The following ZNF892 variants were observed in gnomAD, a reference collection of about 807,000 sequenced individuals.
ZNF892 encodes the protein zinc finger protein 892, also known as zinc finger protein 570-like.
the ZNF892 span, among the ~76,000 whole-genome samples, chr2:95,215,840 C>T: frequency 1.1e-4 from 16 of 152,284 alleles, no homozygotes; most frequent in African/African-American, 3.4e-4. Flanking sequence ...AACACCCTAA[C>T]GTGTATGTAA....
At chr2:95,261,830 G>C in the ZNF892 span, among the ~76,000 whole-genome samples, 1 of 152,184 alleles carries the variant, frequency 6.6e-6, no homozygotes, top group African/African-American at 2.4e-5. Flanking sequence ...AGAAGTCCCG[G>C]GAGTTCCTCA....
At chr2:95,207,318 C>A in the ZNF892 span, among the ~76,000 whole-genome samples, 1 of 152,222 alleles carries the variant, frequency 6.6e-6, no homozygotes, top group Admixed American at 6.5e-5. Flanking sequence ...CGGCCACCGC[C>A]CAGAGTCGGC....
At chr2:95,232,633 C>T in the ZNF892 span, among the ~76,000 whole-genome samples, 1 of 152,206 alleles carries the variant, frequency 6.6e-6, no homozygotes, top group African/African-American at 2.4e-5. Context: ...CTTCCACTTA[C>T]AGCCTATCTG....
the ZNF892 span, among the ~76,000 whole-genome samples, chr2:95,243,908 A>G: frequency 1.2e-4 from 19 of 152,228 alleles, no homozygotes; most frequent in Non-Finnish European, 2.2e-4. Context: ...AAAGGGGGGA[A>G]GGTGGGGAAA....
the ZNF892 span, among the ~76,000 whole-genome samples, chr2:95,243,609 C>T: frequency 6.6e-6 from 1 of 151,302 alleles, no homozygotes; most frequent in Non-Finnish European, 1.5e-5. Flanking sequence ...AGCCCCTCAG[C>T]CCAGCAGCCG....
At chr2:95,243,056 T>C in the ZNF892 span, among the ~76,000 whole-genome samples, 4 of 152,202 alleles carry the variant, frequency 2.6e-5, no homozygotes, top group Admixed American at 2.0e-4. Flanking sequence ...TTCGATGTGT[T>C]GGCCAGGCTG....
At chr2:95,261,812 C>A in the ZNF892 span, among the ~76,000 whole-genome samples, 1 of 152,142 alleles carries the variant, frequency 6.6e-6, no homozygotes, top group Non-Finnish European at 1.5e-5. Context: ...GCCTGGGGAC[C>A]TCCAGGCAGA....
the ZNF892 span, among the ~76,000 whole-genome samples, chr2:95,254,442 T>C: frequency 2.6e-5 from 4 of 152,222 alleles, no homozygotes; most frequent in Admixed American, 2.6e-4. Context: ...CACTTGATCA[T>C]GGTGGATAAG....
At chr2:95,234,367 AG>A in the ZNF892 span, among the ~76,000 whole-genome samples, 13 of 152,252 alleles carry the variant, frequency 8.5e-5, no homozygotes, top group Non-Finnish European at 1.6e-4. Flanking sequence ...CACCTGCCCA[AG>A]GCAGGACTCT....
the ZNF892 span, among the ~76,000 whole-genome samples, chr2:95,238,867 G>A: frequency 7.2e-5 from 11 of 152,146 alleles, no homozygotes; most frequent in Admixed American, 5.2e-4. Flanking sequence ...GGCCAGGCGC[G>A]GTGGCTCACG....
the ZNF892 span, among the ~76,000 whole-genome samples, chr2:95,233,333 G>A: frequency 4.6e-5 from 7 of 151,348 alleles, no homozygotes; most frequent in Non-Finnish European, 1.0e-4. Flanking sequence ...CCGGGTGGCT[G>A]GGACTACAGG....
the ZNF892 span, among the ~76,000 whole-genome samples, chr2:95,209,130 A>G: frequency 6.6e-6 from 1 of 152,210 alleles, no homozygotes. Context: ...AGTCTCTGAA[A>G]GAGTTTTTTT....
At chr2:95,244,733 A>G in the ZNF892 span, among the ~76,000 whole-genome samples, 1 of 152,204 alleles carries the variant, frequency 6.6e-6, no homozygotes, top group Non-Finnish European at 1.5e-5. Context: ...ACAACAGAAT[A>G]TACATTCTTC....
the ZNF892 span, among the ~76,000 whole-genome samples, chr2:95,240,358 A>G: frequency 1.4e-4 from 22 of 152,244 alleles, no homozygotes; most frequent in Non-Finnish European, 3.2e-4. Flanking sequence ...ACAGAGCCAA[A>G]GGAACCCCCA....
the ZNF892 span, among the ~76,000 whole-genome samples, chr2:95,252,737 T>C: frequency 6.6e-6 from 1 of 152,194 alleles, no homozygotes; most frequent in Non-Finnish European, 1.5e-5. Context: ...CCACATCCTC[T>C]CCAGCACCTG....
At chr2:95,244,933 A>G in the ZNF892 span, among the ~76,000 whole-genome samples, 4 of 152,238 alleles carry the variant, frequency 2.6e-5, no homozygotes, top group Admixed American at 6.5e-5. Context: ...CTGCTCCTGA[A>G]TGACTCTTGG....
the ZNF892 span, among the ~76,000 whole-genome samples, chr2:95,234,778 T>C: frequency 6.6e-6 from 1 of 152,222 alleles, no homozygotes; most frequent in Admixed American, 6.5e-5. Flanking sequence ...CCTTTTAAAA[T>C]GTGCTTTGTA....
At chr2:95,237,782 A>G in the ZNF892 span, among the ~76,000 whole-genome samples, 1 of 152,376 alleles carries the variant, frequency 6.6e-6, no homozygotes, top group Non-Finnish European at 1.5e-5. Context: ...CATTGAAATG[A>G]TAACAAAGCA....
At chr2:95,229,335 A>T in the ZNF892 span, among the ~76,000 whole-genome samples, 1 of 152,112 alleles carries the variant, frequency 6.6e-6, no homozygotes, top group Non-Finnish European at 1.5e-5. Flanking sequence ...TGCTTGGTGA[A>T]TTTTTACATG....
Sources: allele counts gnomAD v4.1 joint callset (sites outside exome capture counted in the v4.1 genomes callset), GRCh38; gene constraint gnomAD v4.1.1; transcripts MANE v1.5; gene names NCBI Gene and HGNC (gene_info 2026-07-23, HGNC 2026-07-21).